The following NRTN variants were observed in gnomAD, a reference collection of about 807,000 sequenced individuals.
The protein encoded by NRTN is neurturin.
NRTN carries 3 observed loss-of-function variants against 7.5 expected under a neutral mutation model. That is an observed-to-expected ratio of 0.40 (90% CI 0.18 to 1.03). The LOEUF is 1.03. Ranked by LOEUF, NRTN falls within the 50% of genes least tolerant of loss-of-function variation. NRTN has a pLI of 0.34. For synonymous variants in NRTN, 157 were observed against 146.6 expected, an observed-to-expected ratio of 1.07 and a Z score of -0.51; for missense variants, 310 against 307.0, an observed-to-expected ratio of 1.01 and a Z score of -0.07.
At chr19:5,813,051 A>G (rs1190007760) in intron 1 of NRTN, among the ~76,000 whole-genome samples, 1 of 152,142 alleles carries the variant, frequency 6.6e-6, no homozygotes, top group African/African-American at 2.4e-5. Context: ...TGGCTTTCCT[A>G]CAGTGCTGGG....
chr19:5,808,781 A>C (rs1599633304), intron 1 of NRTN, among the ~76,000 whole-genome samples: 2 of 137,922 alleles, frequency 1.5e-5, no homozygotes, highest in Non-Finnish European at 3.1e-5. Context: ...TTTTTGAGAC[A>C]GTCTCGCTCT....
rs1487885103 is a variant in NRTN at position 5,824,266 on chromosome 19, G to A, written c.101G>A (p.Gly34Glu). The change falls in exon 2 of 3, where the codon GGA becomes GAA. Residue 34 changes from glycine to glutamate, a missense_variant. Transcript: ENST00000303212. ...REGLLLSHRL[G>E]PALVPLHRLP... ...GGCCTGCTTCTCAGCCACCGCCTCG[G>A]ACCTGCGCTGGTCCCCCTGCACCGC... The A allele has an allele frequency of 3.1e-6, 5 of 1,610,864 alleles. No individual in the cohort carries two copies. Among genetic ancestry groups the A allele is most frequent in the Non-Finnish European group, 4.2e-6 (5 of 1,179,490 alleles).
rs867644471 is a variant in NRTN at position 5,828,095 on chromosome 19, C to T, written c.516C>T (p.Asp172=). The T allele has an allele frequency of 2.0e-6, 3 of 1,496,866 alleles. No individual in the cohort carries two copies. Among genetic ancestry groups the T allele is most frequent in the African/African-American group, 2.9e-5 (2 of 68,742 alleles). The allele number at this position is 1,496,866 out of a possible 1,614,324, so 92.7% of individuals were successfully genotyped here. The change falls in exon 3 of 3, where the codon GAC becomes GAT. Residue 172 remains aspartate, a synonymous_variant. Coordinates refer to ENST00000303212, the MANE Select transcript of NRTN (RefSeq NM_004558.5). The part of the protein sequence containing the change: ...QPCCRPTAYE[D]EVSFLDAHSR... Reference sequence around the variant, plus strand: ...GCTGCCGCCCGACGGCCTACGAGGACGAGGTGTCCTTCCTGGACGCGCACA... The same window carrying T: ...GCTGCCGCCCGACGGCCTACGAGGATGAGGTGTCCTTCCTGGACGCGCACA...
At chr19:5,817,855 A>C (rs2057010890) in intron 1 of NRTN, among the ~76,000 whole-genome samples, 1 of 152,184 alleles carries the variant, frequency 6.6e-6, no homozygotes. Context: ...GCTGGAGTGC[A>C]GTGGTGTGAT....
At chr19:5,809,044 T>C (rs2056982297) in intron 1 of NRTN, among the ~76,000 whole-genome samples, 1 of 151,772 alleles carries the variant, frequency 6.6e-6, no homozygotes, top group Non-Finnish European at 1.5e-5. Flanking sequence ...TGTGAGCCAC[T>C]GCGCCCGTCC....
intron 1 of NRTN, among the ~76,000 whole-genome samples, chr19:5,818,094 G>A (rs1234136445): frequency 6.6e-6 from 1 of 152,110 alleles, no homozygotes; most frequent in Non-Finnish European, 1.5e-5. Context: ...TTCCCGAGTA[G>A]CTGAGATTAC....
intron 1 of NRTN, among the ~76,000 whole-genome samples, chr19:5,816,045 G>A (rs1160854021): frequency 6.6e-6 from 1 of 151,652 alleles, no homozygotes; most frequent in Non-Finnish European, 1.5e-5. Flanking sequence ...GTGCCTGGCC[G>A]ATGGTGTCTT....
chr19:5,823,367 A>G (rs1167656780), intron 1 of NRTN, among the ~76,000 whole-genome samples: 1 of 150,950 alleles, frequency 6.6e-6, no homozygotes, highest in African/African-American at 2.4e-5. Flanking sequence ...CAGTGAGCTG[A>G]GATTGCGCCA....
Position 5,805,080 on chromosome 19 carries a change from G to A in NRTN, c.-770G>A, listed in dbSNP as rs892391265. On this transcript the variant is annotated 5_prime_UTR_variant, in exon 1 of 3. Transcript: ENST00000303212. ...GGCGGGACGGGCGGAGGCGGCGGGA[G>A]AGCGCGCCCTGAAGCCGCTCCGAGT... Among the ~76,000 whole-genome samples, 1 of 146,270 alleles carries A rather than the reference G, an allele frequency of 6.8e-6. No homozygotes were observed. Among genetic ancestry groups the A allele is most frequent in the Non-Finnish European group, 1.5e-5 (1 of 65,770 alleles).
At chr19:5,820,738 GAAAAAAAAAAAAAAA>G (rs869276836) in intron 1 of NRTN, among the ~76,000 whole-genome samples, 3 of 39,070 alleles carry the variant, frequency 7.7e-5, no homozygotes, top group East Asian at 4.8e-4. Context: ...TCTGTCTCAA[GAAAAAAAAAAAAAAA>G]AAAAAAAAAA....
At chr19:5,822,998 T>C (rs1444481208) in intron 1 of NRTN, among the ~76,000 whole-genome samples, 1 of 148,142 alleles carries the variant, frequency 6.8e-6, no homozygotes, top group Non-Finnish European at 1.5e-5. Context: ...CACTCCAGCC[T>C]GGGTGACAGA....
chr19:5,819,212 C>T (rs1466246033), intron 1 of NRTN, among the ~76,000 whole-genome samples: 1 of 143,854 alleles, frequency 7.0e-6, no homozygotes, highest in African/African-American at 2.5e-5. Context: ...ACCTGTTTCC[C>T]ATTCATGCAG....
chr19:5,811,547 A>G (rs1372750399), intron 1 of NRTN, among the ~76,000 whole-genome samples: 1 of 152,030 alleles, frequency 6.6e-6, no homozygotes, highest in African/African-American at 2.4e-5. Flanking sequence ...TACTATTATT[A>G]TTAGAGACGG....
chr19:5,805,520 C>T (rs893386467), intron 1 of NRTN, among the ~76,000 whole-genome samples, 69 bp downstream of exon 1: 2 of 151,678 alleles, frequency 1.3e-5, no homozygotes, highest in African/African-American at 2.4e-5. Flanking sequence ...GCCCCATGGA[C>T]GGGGCATGGA....
chr19:5,809,861 A>G (rs1246840604), intron 1 of NRTN, among the ~76,000 whole-genome samples: 1 of 152,096 alleles, frequency 6.6e-6, no homozygotes, highest in Non-Finnish European at 1.5e-5. Context: ...CCTCTTGTTA[A>G]CACAGGCCAG....
chr19:5,814,581 C>T (rs1035153616), intron 1 of NRTN, among the ~76,000 whole-genome samples: 1 of 152,068 alleles, frequency 6.6e-6, no homozygotes, highest in African/African-American at 2.4e-5. Flanking sequence ...AGTGGGGGTG[C>T]CAGGGCGTTG....
chr19:5,809,490 T>G (rs181372747), intron 1 of NRTN, among the ~76,000 whole-genome samples: 7,332 of 151,624 alleles, frequency 0.048, 256 homozygotes, highest in South Asian at 0.11. Context: ...TGGTTTTTTT[T>G]TTGTTGTTGT....
At chr19:5,808,244 C>T (rs1029811834) in intron 1 of NRTN, among the ~76,000 whole-genome samples, 4 of 152,180 alleles carry the variant, frequency 2.6e-5, no homozygotes, top group Non-Finnish European at 5.9e-5. Flanking sequence ...TGGCCGCTCC[C>T]GGAGGACCCA....
At chr19:5,824,801 T>C (rs1406081353) in intron 2 of NRTN, among the ~76,000 whole-genome samples, 1 of 152,128 alleles carries the variant, frequency 6.6e-6, no homozygotes, top group African/African-American at 2.4e-5. Context: ...TAATAATAAA[T>C]ACATTTTCTA....
Sources: allele counts gnomAD v4.1 joint callset (sites outside exome capture counted in the v4.1 genomes callset), GRCh38; gene constraint gnomAD v4.1.1; transcripts MANE v1.5; gene names NCBI Gene and HGNC (gene_info 2026-07-23, HGNC 2026-07-21).